Variants in CDIN1 observed in about 807,000 individuals in gnomAD.
CDIN1 encodes CDAN1-interacting nuclease 1.
In CDIN1, 33 loss-of-function variants were observed where a neutral mutation model predicts 45.3. The observed-to-expected ratio is 0.73, with a 90% CI of 0.55 to 0.97. The LOEUF is 0.97. Ranked by LOEUF, CDIN1 falls within the 50% of genes least tolerant of loss-of-function variation. CDIN1 has a pLI of 0.00. For missense variants in CDIN1, 303 were observed against 339.4 expected, an observed-to-expected ratio of 0.89 and a Z score of 0.84; for synonymous variants, 118 against 124.4, an observed-to-expected ratio of 0.95 and a Z score of 0.34.
intron 10 of CDIN1, among the ~76,000 whole-genome samples, chr15:36,764,991 C>T (rs1315075281): frequency 6.6e-6 from 1 of 151,748 alleles, no homozygotes; most frequent in Non-Finnish European, 1.5e-5. Context: ...GCTGACTCTG[C>T]AGTCACCATG....
intron 8 of CDIN1, among the ~76,000 whole-genome samples, chr15:36,703,630 A>C (rs1421696074): frequency 6.6e-6 from 1 of 151,860 alleles, no homozygotes; most frequent in African/African-American, 2.4e-5. Context: ...TGCTCACCAT[A>C]ACCAAAGGCA....
At chr15:36,760,714 A>ATGG (rs758404030) in intron 10 of CDIN1, among the ~76,000 whole-genome samples, 1 of 111,666 alleles carries the variant, frequency 9.0e-6, no homozygotes, top group African/African-American at 3.8e-5. Context: ...CATCTAAGAA[A>ATGG]TGGTGGTGGT....
At chr15:36,690,124 G>A (rs1449003039) in intron 5 of CDIN1, among the ~76,000 whole-genome samples, 1 of 152,162 alleles carries the variant, frequency 6.6e-6, no homozygotes, top group Non-Finnish European at 1.5e-5. Context: ...AAGTACATAA[G>A]TGTTGCTATA....
intron 10 of CDIN1, among the ~76,000 whole-genome samples, chr15:36,776,742 G>A (rs887635050): frequency 1.3e-5 from 2 of 152,098 alleles, no homozygotes; most frequent in Non-Finnish European, 2.9e-5. Context: ...TTATTTCCCT[G>A]AGTAAAAGAA....
rs555722977 is a variant in CDIN1, at chr15:36,617,771, A to T, written c.102-26507A>T. The T allele has an allele frequency of 3.7e-6, 3 of 813,550 alleles. No individual in the cohort carries two copies. In the East Asian group the frequency reaches 7.4e-5, roughly 20 times the overall value. The allele number at this position is 813,550 out of a possible 1,614,324, so 50.4% of individuals were successfully genotyped here. A position where few individuals can be genotyped will look rare whatever the true frequency, so the allele number is the denominator to read the frequency against. On this transcript the variant is annotated intron_variant, in intron 1 of 10. Coordinates refer to ENST00000566621, the MANE Select transcript of CDIN1 (RefSeq NM_001321759.2). ...AATTGAAAACTGCCCCAAAGTGATA[A>T]GTTGTGAGTTTGCACACAGTAGCAG...
chr15:36,619,583 G>A (rs1033899024), intron 1 of CDIN1, among the ~76,000 whole-genome samples: 7 of 150,054 alleles, frequency 4.7e-5, no homozygotes, highest in African/African-American at 1.5e-4. Context: ...TTAATTTGCA[G>A]AGATTTGCTG....
intron 10 of CDIN1, among the ~76,000 whole-genome samples, chr15:36,722,209 C>T (rs191384289): frequency 2.6e-4 from 40 of 151,740 alleles, no homozygotes; most frequent in Admixed American, 2.4e-3. Context: ...GTAATCTTAA[C>T]CTTTGTATCT....
chr15:36,584,611 C>T (rs556920012), intron 1 of CDIN1, among the ~76,000 whole-genome samples: 168 of 152,104 alleles, frequency 1.1e-3, no homozygotes, highest in African/African-American at 3.6e-3. Context: ...TTTACCAACC[C>T]GCTTATTCCA....
At chr15:36,801,856 A>C (rs1595621651) in intron 10 of CDIN1, among the ~76,000 whole-genome samples, 1 of 152,154 alleles carries the variant, frequency 6.6e-6, no homozygotes, top group East Asian at 1.9e-4. Flanking sequence ...CTACTTCCTA[A>C]ATGTGGTGAT....
intron 1 of CDIN1, among the ~76,000 whole-genome samples, chr15:36,643,702 A>G (rs1366638717): frequency 6.6e-6 from 1 of 152,182 alleles, no homozygotes. Context: ...GTCTTTAGGA[A>G]TGATTCACTC....
chr15:36,644,375 A>G (rs1249194364), intron 2 of CDIN1, 52 bp downstream of exon 2: 1 of 1,546,802 alleles, frequency 6.5e-7, no homozygotes, highest in Non-Finnish European at 8.9e-7. Context: ...TTGAATGATG[A>G]ATGTCCCTTT....
intron 10 of CDIN1, among the ~76,000 whole-genome samples, chr15:36,730,887 A>T (rs780279178): frequency 2.6e-5 from 4 of 152,074 alleles, no homozygotes; most frequent in Non-Finnish European, 5.9e-5. Context: ...GTATTTCCTA[A>T]ATCACCTGTT....
In CDIN1 at chr15:36,709,243, A is replaced by C; in HGVS notation, c.565A>C (p.Lys189Gln). 6.2e-7 allele frequency: 1 copy of C among 1,603,074 alleles called. No individual in the cohort carries two copies. The highest frequency in any genetic ancestry group is 1.3e-5 in the African/African-American group (1 of 74,860). ...TGTAGATGAAGATCAGCTTCGTGCA[A>C]AGGGTTATGACAAAACACCAGACTT... ...SFLDEDQLRA[K>Q]GYDKTPDFIL... is the part of the protein sequence containing the mutation. The change falls in exon 9 of 11, where the codon AAG (lysine) becomes CAG (glutamine). Residue 189 changes from lysine (K) to glutamine (Q), a missense_variant. By Grantham distance (53) the Lys-to-Gln change is moderately conservative (BLOSUM62 1). Coordinates refer to ENST00000566621, the MANE Select transcript of CDIN1 (RefSeq NM_001321759.2).
At chr15:36,715,178 G>A (rs562377693) in intron 10 of CDIN1, among the ~76,000 whole-genome samples, 27 of 152,096 alleles carry the variant, frequency 1.8e-4, no homozygotes, top group African/African-American at 5.8e-4. Flanking sequence ...CCACGGAAAC[G>A]ATTAAGAGCT....
chr15:36,613,896 G>T (rs899257168), intron 1 of CDIN1: 8 of 1,554,324 alleles, frequency 5.1e-6, no homozygotes, highest in Admixed American at 5.0e-5. Flanking sequence ...GACTTGGAAC[G>T]CACAGAGAAT....
At chr15:36,771,310 C>A (rs1020249168) in intron 10 of CDIN1, among the ~76,000 whole-genome samples, 13 of 152,090 alleles carry the variant, frequency 8.5e-5, no homozygotes, top group African/African-American at 2.7e-4. Flanking sequence ...ATGTAACAAA[C>A]CTGCACATTC....
At position 36,644,317 on chromosome 15, in the gene CDIN1, G is replaced by A. The variant is rs2040226078; in HGVS notation, c.141G>A (p.Glu47=). 3.1e-6 allele frequency: 5 copies of A among 1,613,498 alleles called. No homozygotes were observed. The highest frequency in any genetic ancestry group is 3.4e-6 in the Non-Finnish European group (4 of 1,179,658). ...CTCTGCTGAGCATCTTCTCCCAGGA[G>A]TACCAGGTTAGAAGTTTTCTCCTTT... ...QATLLSIFSQ[E]YQKHIKRTHA... is the part of the protein sequence containing the mutation. Residue 47 remains glutamate (E), a synonymous_variant, in exon 2 of 11, where the codon GAG becomes GAA. Transcript: ENST00000566621.
intron 5 of CDIN1, among the ~76,000 whole-genome samples, chr15:36,683,971 T>G (rs2140644577): frequency 7.1e-6 from 1 of 140,438 alleles, no homozygotes; most frequent in South Asian, 2.3e-4. Context: ...AAGGAGATTT[T>G]GGGCTGAGAC....
chr15:36,645,336 T>C, intron 3 of CDIN1, 49 bp downstream of exon 3: 1 of 1,334,030 alleles, frequency 7.5e-7, no homozygotes, highest in East Asian at 2.5e-5. Context: ...CTATTAATTG[T>C]AATAATAATT....
Sources: gnomAD v4.1 joint callset for allele counts (sites outside exome capture counted in the v4.1 genomes callset) on GRCh38, gnomAD v4.1.1 for gene constraint, MANE v1.5 for transcripts, NCBI Gene and HGNC (gene_info 2026-07-23, HGNC 2026-07-21) for gene names.